The following TMEM218 variants were observed in gnomAD, a reference collection of about 807,000 sequenced individuals.
TMEM218 encodes the protein transmembrane protein 218.
TMEM218 carries 8 observed loss-of-function variants against 10.0 expected under a neutral mutation model. The ratio of observed to expected loss-of-function variants is 0.80; its 90% confidence interval spans 0.47 to 1.44. TMEM218 has a LOEUF of 1.44. Among genes scored for constraint, TMEM218 ranks in the 40% most tolerant of loss-of-function variants. The probability of loss-of-function intolerance (pLI) is 0.00; values close to 1 mark genes in which losing one functional copy is unlikely to be tolerated. For missense variants in TMEM218, 110 were observed against 140.1 expected, an observed-to-expected ratio of 0.79 and a Z score of 1.08; for synonymous variants, 66 against 63.5, an observed-to-expected ratio of 1.04 and a Z score of -0.18.
chr11:125,101,368 T>G lies in TMEM218; in HGVS notation c.111-65A>C. The stretch of plus-strand genomic sequence containing the variant: ...AATTTCTTCTTTGATCAGTTAGGTC[T>G]GGACAGTCTCTTCCTTGGAGCCAAT... On this transcript the variant is annotated intron_variant, in intron 3 of 4. Transcript: ENST00000682305. The G allele has an allele frequency of 3.9e-6, 6 of 1,543,502 alleles. 1 individual carries two copies. In the South Asian group the frequency reaches 7.1e-5, roughly 18 times the overall value.
At chr11:125,109,570 G>A (rs975822890) in intron 1 of TMEM218, among the ~76,000 whole-genome samples, 1 of 152,120 alleles carries the variant, frequency 6.6e-6, no homozygotes, top group South Asian at 2.1e-4. Flanking sequence ...AATTTTTCGT[G>A]ATAATTTTTA....
In TMEM218 at chr11:125,101,971, A is replaced by C; in HGVS notation, c.110+161T>G. The C allele has an allele frequency of 3.6e-6, 3 of 838,594 alleles. No homozygotes were observed. The South Asian group carries it at 6.9e-5, about 19-fold the overall frequency. The allele number at this position is 838,594 out of a possible 1,614,324, so 51.9% of individuals were successfully genotyped here. On this transcript the variant is annotated intron_variant, in intron 3 of 4. Coordinates refer to ENST00000682305, the MANE Select transcript of TMEM218 (RefSeq NM_001258244.2). ...CCTCCCATCTCTGCTCCAGAGCATA[A>C]ATAACACAGTTAGTGTTTATAAAAA...
intron 2 of TMEM218, 53 bp downstream of exon 2, chr11:125,102,681 A>G: frequency 2.3e-6 from 3 of 1,292,052 alleles, no homozygotes; most frequent in Non-Finnish European, 3.0e-6. Flanking sequence ...CTCCAGGGCC[A>G]AAGCAGAAGT....
At chr11:125,101,337 G>T in intron 3 of TMEM218, 34 bp from the exon 4 acceptor site, 2 of 1,588,510 alleles carry the variant, frequency 1.3e-6, no homozygotes, top group Non-Finnish European at 1.7e-6. Context: ...TAAAAGCACT[G>T]TCTATAATTT....
At chr11:125,110,196 T>C (rs1030479672) in intron 1 of TMEM218, among the ~76,000 whole-genome samples, 1 of 152,086 alleles carries the variant, frequency 6.6e-6, no homozygotes, top group Non-Finnish European at 1.5e-5. Context: ...TTGAGTACAA[T>C]ACAATAAAAT....
rs1368300340 is a variant in TMEM218, at chr11:125,096,165, A to C, written c.*1441T>G. On this transcript the variant is annotated 3_prime_UTR_variant, in exon 5 of 5. Coordinates refer to ENST00000682305, the MANE Select transcript of TMEM218 (RefSeq NM_001258244.2). Reference sequence around the variant, plus strand: ...AAGTTTTTCCAAACTAAGTAAGATAAAGGAAATGGTTCAATGTAGGGATAA... The same window carrying C: ...AAGTTTTTCCAAACTAAGTAAGATACAGGAAATGGTTCAATGTAGGGATAA... Among the ~76,000 whole-genome samples the C allele has an allele frequency of 3.3e-5, 5 of 152,216 alleles. No homozygotes were observed. Among genetic ancestry groups the C allele is most frequent in the Non-Finnish European group, 7.3e-5 (5 of 68,046 alleles).
chr11:125,099,921 C>CA (rs34211632), intron 4 of TMEM218, among the ~76,000 whole-genome samples: 71,597 of 100,174 alleles, frequency 0.71, 24,493 homozygotes, highest in South Asian at 0.78. Context: ...GAGACTGTCT[C>CA]AAAAAAAAAA....
At position 125,102,238 on chromosome 11, in the gene TMEM218, C is replaced by T. The variant is rs181028805; in HGVS notation, c.4G>A (p.Ala2Thr). M[A>T]GTVLGVGAGV... ...GCACCGACTCCGAGCACAGTGCCAG[C>T]CATCCCGCGGGGAGGCAGCGGCGGC... Residue 2 changes from alanine to threonine, a missense_variant, in exon 3 of 5, where the codon GCT becomes ACT. Ala to Thr is a moderately conservative substitution (Grantham distance 58). Transcript: ENST00000682305. 4 of 1,612,696 alleles carry T rather than the reference C, an allele frequency of 2.5e-6. No homozygotes were observed. The Admixed American group carries it at 5.0e-5, about 20-fold the overall frequency.
rs762863673 is a variant in TMEM218 at position 125,101,300 on chromosome 11, G to T, written c.114C>A (p.Phe38Leu). 3.1e-6 allele frequency: 5 copies of T among 1,611,432 alleles called. No individual in the cohort carries two copies. The South Asian group carries it at 5.5e-5, about 18-fold the overall frequency. ...LLSRASGAAR[F>L]SVIFLFFGAV... ...CACCGAAGAATAAAAAAATGACAGA[G>T]AACCTGGGGTTAAAAAGACAAATTA... The change falls in exon 4 of 5, where the codon TTC (phenylalanine) becomes TTA (leucine). Residue 38 changes from phenylalanine (F) to leucine (L), a missense_variant. By Grantham distance (22) the Phe-to-Leu change is conservative. Transcript: ENST00000682305.
At chr11:125,107,287 T>C (rs964784462) in intron 1 of TMEM218, among the ~76,000 whole-genome samples, 3 of 152,192 alleles carry the variant, frequency 2.0e-5, no homozygotes, top group African/African-American at 7.2e-5. Context: ...GGTGATGTTG[T>C]ATCTAACCAT....
intron 2 of TMEM218, 169 bp downstream of exon 2, chr11:125,102,565 C>A: frequency 7.4e-7 from 1 of 1,352,650 alleles, no homozygotes; most frequent in Non-Finnish European, 9.7e-7. Context: ...AATTTGGTAC[C>A]TGAGTTCTAC....
chr11:125,099,921 C>CAAA (rs34211632), intron 4 of TMEM218, among the ~76,000 whole-genome samples: 38 of 100,024 alleles, frequency 3.8e-4, no homozygotes, highest in Middle Eastern at 5.7e-3. Context: ...GAGACTGTCT[C>CAAA]AAAAAAAAAA....
intron 4 of TMEM218, 39 bp from the exon 5 acceptor site, chr11:125,097,779 T>TA (rs1344872371): frequency 6.2e-7 from 1 of 1,602,074 alleles, no homozygotes; most frequent in Admixed American, 1.7e-5. Context: ...TACTACCAGT[T>TA]AGACACCCTG....
chr11:125,103,678 T>G (rs1175073415), intron 1 of TMEM218: 1 of 152,240 alleles, frequency 6.6e-6, no homozygotes, highest in Non-Finnish European at 1.5e-5. Context: ...TGGTCACAGA[T>G]TCCAGGGGTG....
intron 4 of TMEM218, among the ~76,000 whole-genome samples, chr11:125,100,857 C>A (rs1363799736): frequency 2.0e-5 from 3 of 152,164 alleles, no homozygotes; most frequent in Non-Finnish European, 4.4e-5. Flanking sequence ...CGGGTGCAGG[C>A]CTGTGACTAT....
At chr11:125,106,423 A>G (rs1952167020) in intron 1 of TMEM218, among the ~76,000 whole-genome samples, 1 of 152,232 alleles carries the variant, frequency 6.6e-6, no homozygotes, top group South Asian at 2.1e-4. Flanking sequence ...CTCCAAATAT[A>G]TAAAGCCAAA....
chr11:125,099,571 G>A (rs947177474), intron 4 of TMEM218, among the ~76,000 whole-genome samples: 3 of 152,140 alleles, frequency 2.0e-5, no homozygotes, highest in African/African-American at 4.8e-5. Context: ...CCCTTCTCCC[G>A]ATGTTTACAT....
At position 125,108,456 on chromosome 11, in the gene TMEM218, G is replaced by A. The variant is rs1171650489; in HGVS notation, c.-153+3083C>T. 6.6e-6 allele frequency among the ~76,000 whole-genome samples: 1 copy of A among 152,202 alleles called. No homozygotes were observed. Among genetic ancestry groups the A allele is most frequent in the East Asian group, 1.9e-4 (1 of 5,202 alleles). ...ATAGCATATGTTTAAATATACAAATGTTCAGGCTGACTACACTAGAATACA... is the reference window on the plus strand; with the variant it reads ...ATAGCATATGTTTAAATATACAAATATTCAGGCTGACTACACTAGAATACA... On this transcript the variant is annotated intron_variant, in intron 1 of 4. Coordinates refer to ENST00000682305, the MANE Select transcript of TMEM218 (RefSeq NM_001258244.2). This position sits in a 1 kb window ranked among gnomAD's most constrained non-coding sequence, Gnocchi z 5.3.
chr11:125,110,516 T>C (rs1479008492), intron 1 of TMEM218: 1 of 152,128 alleles, frequency 6.6e-6, no homozygotes, highest in East Asian at 1.9e-4. Context: ...TCAGAGAAAA[T>C]AGGAATAAAT....
Sources: allele counts gnomAD v4.1 joint callset (sites outside exome capture counted in the v4.1 genomes callset), GRCh38; gene constraint gnomAD v4.1.1; non-coding constraint Gnocchi (gnomAD v3.1); transcripts MANE v1.5; gene names NCBI Gene and HGNC (gene_info 2026-07-23, HGNC 2026-07-21).